ARHGAP42: variants seen among roughly 807,000 people sequenced by gnomAD.
ARHGAP42 encodes Rho GTPase activating protein 42, also known as rho GTPase-activating protein 42.
ARHGAP42 carries 63 observed loss-of-function variants against 125.0 expected under a neutral mutation model. The observed-to-expected ratio is 0.50, with a 90% confidence interval of 0.41 to 0.62. The LOEUF is 0.62. ARHGAP42 is among the 20% of genes least tolerant of loss of function. The pLI, the probability that ARHGAP42 is intolerant of heterozygous loss-of-function variation, is 0.00. For synonymous variants in ARHGAP42, 339 were observed against 351.0 expected (o/e 0.97, Z 0.38); for missense variants, 766 against 1,024.2 (o/e 0.75, Z 3.44).
chr11:100,987,806 AAAAT>A (rs5794089), intron 23 of ARHGAP42, among the ~76,000 whole-genome samples: 6,428 of 142,490 alleles, frequency 0.045, 181 homozygotes, highest in African/African-American at 0.074. Flanking sequence ...CCCAACCCAC[AAAAT>A]AAATAAATAA....
rs867680386 is a variant in ARHGAP42 at position 100,976,033 on chromosome 11, A to G, written c.1856-24A>G. The G allele has an allele frequency of 1.4e-5, 21 of 1,468,904 alleles. No homozygotes were observed. In the Middle Eastern group the frequency reaches 2.0e-3, roughly 138 times the overall value. The allele number at this position is 1,468,904 out of a possible 1,614,324, so 91.0% of individuals were successfully genotyped here. ...TCAATAGATAGTTACAGTTGCTTTC[A>G]TCTCTCTCCCTCCTACTCCTTAGGT... On this transcript the variant is annotated intron_variant, in intron 19 of 23. Coordinates refer to ENST00000298815, the MANE Select transcript of ARHGAP42 (RefSeq NM_152432.4).
At chr11:100,830,232 G>A (rs559350838) in intron 3 of ARHGAP42, among the ~76,000 whole-genome samples, 2 of 152,254 alleles carry the variant, frequency 1.3e-5, no homozygotes, top group African/African-American at 4.8e-5. Context: ...GACTTATACT[G>A]AATGCTCTTT....
chr11:100,946,851 G>C (rs889867602), intron 10 of ARHGAP42, among the ~76,000 whole-genome samples: 3 of 151,972 alleles, frequency 2.0e-5, no homozygotes, highest in African/African-American at 7.2e-5. Flanking sequence ...GAAAAATGGT[G>C]CTGATAGACA....
intron 4 of ARHGAP42, among the ~76,000 whole-genome samples, chr11:100,873,401 TA>T (rs1228288069): frequency 6.6e-6 from 1 of 152,184 alleles, no homozygotes; most frequent in African/African-American, 2.4e-5. Flanking sequence ...TTAGTTCATT[TA>T]AAAAAATGCT....
At chr11:100,838,244 G>C (rs1162455808) in intron 3 of ARHGAP42, among the ~76,000 whole-genome samples, 1 of 151,930 alleles carries the variant, frequency 6.6e-6, no homozygotes, top group African/African-American at 2.4e-5. Flanking sequence ...CATTACTGTT[G>C]GTGTAAACTT....
At chr11:100,884,952 G>A (rs537276480) in intron 4 of ARHGAP42, among the ~76,000 whole-genome samples, 3 of 152,214 alleles carry the variant, frequency 2.0e-5, no homozygotes, top group Non-Finnish European at 2.9e-5. Context: ...CCTCCTGACC[G>A]TATGCCTGAG....
Position 100,687,405 on chromosome 11 carries a change from G to A in ARHGAP42, c.-274G>A, listed in dbSNP as rs1477221947. Among the ~76,000 whole-genome samples, 1 of 151,984 alleles carries A rather than the reference G, an allele frequency of 6.6e-6. No individual in the cohort carries two copies. The highest frequency in any genetic ancestry group is 1.5e-5 in the Non-Finnish European group (1 of 67,948). On this transcript the variant is annotated 5_prime_UTR_variant, in exon 1 of 24. Transcript: ENST00000298815. ...CGGAGCCTCGCCGCCCCCGCGTTCC[G>A]AACGACGATGCGTCCAGATGACAAC...
In ARHGAP42 at chr11:100,993,368, C is replaced by A. The variant is rs2135345063; in HGVS notation, c.*4567C>A. 6.0e-6 allele frequency: 1 copy of A among 166,978 alleles called. No individual in the cohort carries two copies. The highest frequency in any genetic ancestry group is 2.1e-4 in the South Asian group (1 of 4,798). 10.3% of individuals were successfully genotyped at this position (166,978 alleles called of 1,614,324 possible). A position where few individuals can be genotyped will look rare whatever the true frequency, so the allele number is the denominator to read the frequency against. ...ATGCACACTTTTAATCTCTATATGGCAGCATTTTTGAGGCTTTATATCTGC... is the reference window on the plus strand; with the variant it reads ...ATGCACACTTTTAATCTCTATATGGAAGCATTTTTGAGGCTTTATATCTGC... On this transcript the variant is annotated 3_prime_UTR_variant, in exon 24 of 24. Transcript: ENST00000298815.
chr11:100,876,675 T>C (rs1865830988), intron 4 of ARHGAP42, among the ~76,000 whole-genome samples: 1 of 152,214 alleles, frequency 6.6e-6, no homozygotes, highest in Non-Finnish European at 1.5e-5. Context: ...TATGTTTGTG[T>C]AGACTCAGCC....
chr11:100,835,782 AT>A (rs1864772795), intron 3 of ARHGAP42, among the ~76,000 whole-genome samples: 4 of 136,844 alleles, frequency 2.9e-5, no homozygotes, highest in Non-Finnish European at 6.7e-5. Context: ...ATTCCATTGG[AT>A]CCCCCCTTAT....
intron 4 of ARHGAP42, among the ~76,000 whole-genome samples, chr11:100,885,487 A>C (rs1440260438): frequency 1.3e-5 from 2 of 152,136 alleles, no homozygotes; most frequent in African/African-American, 4.8e-5. Context: ...ATTTTTTTCC[A>C]CTGGGGTATC....
At chr11:100,986,534 A>T (rs952429898) in intron 22 of ARHGAP42, among the ~76,000 whole-genome samples, 1 of 152,156 alleles carries the variant, frequency 6.6e-6, no homozygotes, top group Admixed American at 6.5e-5. Flanking sequence ...ATGTGATCTG[A>T]TGGGCATTTT....
chr11:100,778,806 A>G lies in ARHGAP42; in HGVS notation c.250+8368A>G, dbSNP rs542373986. Among the ~76,000 whole-genome samples the G allele has an allele frequency of 5.3e-4, 80 of 152,328 alleles. 1 individual carries two copies. The highest frequency in any genetic ancestry group is 2.3e-3 in the South Asian group (11 of 4,826). ...GCTTCGAGTTAAAAAACAACCTGAA[A>G]ACTTGTCATGTCACAAGCCTGGAAA... On this transcript the variant is annotated intron_variant, in intron 2 of 23. Coordinates refer to ENST00000298815, the MANE Select transcript of ARHGAP42 (RefSeq NM_152432.4).
At chr11:100,862,524 C>G (rs1402525187) in intron 4 of ARHGAP42, among the ~76,000 whole-genome samples, 1 of 152,162 alleles carries the variant, frequency 6.6e-6, no homozygotes, top group Admixed American at 6.5e-5. Flanking sequence ...AACAGATCAA[C>G]TGAGAACACC....
chr11:100,992,716 T>C lies in ARHGAP42; in HGVS notation c.*3915T>C. ...ATGAATGATGTGGACTTTTAGAGGA[T>C]CAAATCAATAAATTGGATTTTTTAT... On this transcript the variant is annotated 3_prime_UTR_variant, in exon 24 of 24. Transcript: ENST00000298815. The C allele has an allele frequency of 6.5e-7, 1 of 1,541,298 alleles. No individual in the cohort carries two copies. The highest frequency in any genetic ancestry group is 1.4e-5 in the African/African-American group (1 of 72,278).
chr11:100,752,383 C>T (rs192407945), intron 1 of ARHGAP42, among the ~76,000 whole-genome samples: 5 of 152,268 alleles, frequency 3.3e-5, no homozygotes, highest in East Asian at 3.9e-4. Flanking sequence ...CTGAGCCCAG[C>T]GCTGCAACTG....
At chr11:100,782,081 G>A (rs1284637114) in intron 2 of ARHGAP42, among the ~76,000 whole-genome samples, 1 of 152,088 alleles carries the variant, frequency 6.6e-6, no homozygotes, top group Non-Finnish European at 1.5e-5. Context: ...TGATATATGT[G>A]ATATTGAAGA....
intron 1 of ARHGAP42, among the ~76,000 whole-genome samples, chr11:100,705,901 C>G (rs986782572): frequency 6.6e-6 from 1 of 151,694 alleles, no homozygotes; most frequent in Non-Finnish European, 1.5e-5. Flanking sequence ...AGCTGTAGAC[C>G]ATGTATCATT....
Position 100,687,818 on chromosome 11 carries a change from T to G in ARHGAP42, c.140T>G (p.Ile47Ser). 1 of 1,548,570 alleles carries G rather than the reference T, an allele frequency of 6.5e-7. No homozygotes were observed. The highest frequency in any genetic ancestry group is 8.7e-7 in the Non-Finnish European group (1 of 1,145,136). The stretch of plus-strand genomic sequence containing the variant: ...CTCATTAAGGACGGCTCTCTGCTCA[T>G]TGGGGCGTTGAGGAGTAAGTAGGGC... ...KELIKDGSLL[I>S]GALRNLSMAV... is the part of the protein sequence containing the mutation. Residue 47 changes from isoleucine (I) to serine (S), a missense_variant, in exon 1 of 24, where the codon ATT becomes AGT. This residue lies in a region of ARHGAP42 where 455 missense variants were observed against 636.5 expected (regional missense o/e 0.71). Transcript: ENST00000298815.
Sources: allele counts gnomAD v4.1 joint callset (sites outside exome capture counted in the v4.1 genomes callset), GRCh38; gene constraint gnomAD v4.1.1; regional missense constraint gnomAD v4.1.1; transcripts MANE v1.5; gene names NCBI Gene and HGNC (gene_info 2026-07-23, HGNC 2026-07-21).